Variants in IGSF11 observed in about 807,000 individuals in gnomAD.
IGSF11 encodes the protein CXADR like 1.
In IGSF11, 22 loss-of-function variants were observed where a neutral mutation model predicts 41.0. The observed-to-expected ratio is 0.54, with a 90% CI of 0.38 to 0.77. The LOEUF (loss-of-function observed/expected upper bound fraction) is 0.77, where lower values mean the gene tolerates loss of function less well. Ranked by LOEUF, IGSF11 falls within the 30% of genes least tolerant of loss-of-function variation. The pLI, the probability that IGSF11 is intolerant of heterozygous loss-of-function variation, is 0.00. For synonymous variants in IGSF11, 219 were observed against 201.3 expected (o/e 1.09, Z -0.74); for missense variants, 444 against 530.8 (o/e 0.84, Z 1.61).
intron 4 of IGSF11, among the ~76,000 whole-genome samples, chr3:118,908,987 G>T (rs544661145): frequency 6.6e-6 from 1 of 152,174 alleles, no homozygotes; most frequent in African/African-American, 2.4e-5. Context: ...ACAAACTGTA[G>T]ATTACTGTGA....
chr3:119,106,354 G>A (rs1020744122), upstream of IGSF11, among the ~76,000 whole-genome samples: 1 of 151,712 alleles, frequency 6.6e-6, no homozygotes, highest in Non-Finnish European at 1.5e-5. Flanking sequence ...ATTTCCCCCC[G>A]AACTTCCCAC....
chr3:118,969,425 G>A (rs1933112849), intron 1 of IGSF11, among the ~76,000 whole-genome samples: 1 of 152,180 alleles, frequency 6.6e-6, no homozygotes, highest in South Asian at 2.1e-4. Context: ...GCTATGAGGG[G>A]ACTGGGCTGC....
chr3:119,062,360 T>C (rs1415580963), intron 1 of IGSF11, among the ~76,000 whole-genome samples: 1 of 152,198 alleles, frequency 6.6e-6, no homozygotes, highest in Non-Finnish European at 1.5e-5. Flanking sequence ...ATCTTTGAAA[T>C]GAGAGACTGC....
chr3:119,055,909 G>T (rs185179129), intron 1 of IGSF11, among the ~76,000 whole-genome samples: 2 of 152,176 alleles, frequency 1.3e-5, no homozygotes, highest in Admixed American at 6.5e-5. Context: ...AATAAAGATG[G>T]TCTTTGAAAC....
intron 1 of IGSF11, among the ~76,000 whole-genome samples, chr3:119,140,329 T>C (rs2077626335): frequency 6.6e-6 from 1 of 152,162 alleles, no homozygotes; most frequent in Non-Finnish European, 1.5e-5. Flanking sequence ...GGAGTGGCTA[T>C]ACTATGAGAC....
At chr3:119,023,697 G>A (rs770163280) in intron 1 of IGSF11, among the ~76,000 whole-genome samples, 1 of 152,178 alleles carries the variant, frequency 6.6e-6, no homozygotes, top group Non-Finnish European at 1.5e-5. Flanking sequence ...ACTTGCCACA[G>A]TTGGGATAAA....
At chr3:118,972,844 T>C in intron 1 of IGSF11, among the ~76,000 whole-genome samples, 1 of 152,096 alleles carries the variant, frequency 6.6e-6, no homozygotes, top group East Asian at 1.9e-4. Flanking sequence ...AGAATTAACA[T>C]CTCCCAGTAA....
At chr3:119,143,662 A>G (rs1290528724) in intron 1 of IGSF11, among the ~76,000 whole-genome samples, 1 of 152,182 alleles carries the variant, frequency 6.6e-6, no homozygotes, top group Non-Finnish European at 1.5e-5. Context: ...CAATAAAAAG[A>G]CAAAGATTGG....
At chr3:118,903,201 A>G (rs1939130973) in intron 6 of IGSF11, among the ~76,000 whole-genome samples, 1 of 152,160 alleles carries the variant, frequency 6.6e-6, no homozygotes, top group South Asian at 2.1e-4. Context: ...ACAGTAGAAA[A>G]GGAAATCTCA....
intron 1 of IGSF11, among the ~76,000 whole-genome samples, chr3:119,011,316 C>T (rs1375546815): frequency 6.6e-6 from 1 of 151,936 alleles, no homozygotes; most frequent in East Asian, 1.9e-4. Context: ...GAAACCAGAG[C>T]CCCCGGATAG....
intron 1 of IGSF11, among the ~76,000 whole-genome samples, chr3:118,967,202 T>C (rs1012336975): frequency 3.9e-5 from 6 of 152,066 alleles, no homozygotes; most frequent in South Asian, 2.1e-4. Flanking sequence ...CATATATATA[T>C]GTACATATGT....
intron 1 of IGSF11, among the ~76,000 whole-genome samples, chr3:119,093,552 G>A (rs570089115): frequency 1.3e-5 from 2 of 152,212 alleles, no homozygotes; most frequent in South Asian, 2.1e-4. Flanking sequence ...CGTCAATACC[G>A]AAAGCAAAGT....
chr3:118,988,367 G>A (rs989963090), intron 1 of IGSF11, among the ~76,000 whole-genome samples: 9 of 152,140 alleles, frequency 5.9e-5, no homozygotes, highest in African/African-American at 2.2e-4. Flanking sequence ...GAATTCAAAT[G>A]AGGACACATG....
intron 1 of IGSF11, among the ~76,000 whole-genome samples, chr3:119,028,259 T>C (rs1236331205): frequency 1.3e-5 from 2 of 152,146 alleles, no homozygotes; most frequent in East Asian, 3.9e-4. Flanking sequence ...ATACATAGAC[T>C]TCAGGAGGAG....
chr3:119,074,076 C>T (rs2076450477), intron 1 of IGSF11, among the ~76,000 whole-genome samples: 4 of 152,210 alleles, frequency 2.6e-5, no homozygotes, highest in Admixed American at 2.6e-4. Flanking sequence ...TGGGAGATTT[C>T]AACACCACAC....
intron 1 of IGSF11, among the ~76,000 whole-genome samples, chr3:119,033,884 T>C (rs1404387584): frequency 6.6e-6 from 1 of 152,204 alleles, no homozygotes; most frequent in Non-Finnish European, 1.5e-5. Context: ...AAACAGATGT[T>C]TTAAAAACCG....
At chr3:118,997,254 G>C (rs186559437) in intron 1 of IGSF11, among the ~76,000 whole-genome samples, 142 of 152,224 alleles carry the variant, frequency 9.3e-4, no homozygotes, top group African/African-American at 3.3e-3. Context: ...TAAATAAGTA[G>C]AGTTATCTAC....
chr3:119,065,031 C>T (rs915406241), intron 1 of IGSF11, among the ~76,000 whole-genome samples: 4 of 152,082 alleles, frequency 2.6e-5, no homozygotes, highest in Non-Finnish European at 5.9e-5. Flanking sequence ...CCTGAGACCT[C>T]CAGAATATAT....
Position 119,145,485 on chromosome 3 carries a change from C to CT in IGSF11, c.-14+327dup, listed in dbSNP as rs1217654985. ...TATTCCTTCTGGTATCTTTCTCCCACTTTCCTTACTCCCTTCCTTTCTGGA... is the reference window on the plus strand; with the variant it reads ...TATTCCTTCTGGTATCTTTCTCCCACTTTTCCTTACTCCCTTCCTTTCTGGA... On this transcript the variant is annotated intron_variant, in intron 1 of 7. Coordinates refer to the IGSF11 transcript ENST00000425327. 2.6e-5 allele frequency among the ~76,000 whole-genome samples: 4 copies of CT among 152,340 alleles called. No individual in the cohort carries two copies. The South Asian group carries it at 6.2e-4, about 24-fold the overall frequency.
Sources: gnomAD v4.1 joint callset for allele counts (sites outside exome capture counted in the v4.1 genomes callset) on GRCh38, gnomAD v4.1.1 for gene constraint, MANE v1.5 for transcripts, NCBI Gene and HGNC (gene_info 2026-07-23, HGNC 2026-07-21) for gene names.